The following CSMD1 variants were observed in gnomAD, a reference collection of about 807,000 sequenced individuals.
CSMD1 encodes the protein CUB and Sushi multiple domains 1.
In CSMD1, 213 loss-of-function variants were observed where a neutral mutation model predicts 417.5. The ratio of observed to expected loss-of-function variants is 0.51; its 90% confidence interval spans 0.46 to 0.57. The LOEUF is 0.57. Ranked by LOEUF, CSMD1 falls within the 20% of genes least tolerant of loss-of-function variation. The probability of loss-of-function intolerance (pLI) is 0.00; values close to 1 mark genes in which losing one functional copy is unlikely to be tolerated. For missense variants in CSMD1, 6,923 were observed against 4,529.7 expected (o/e 1.53, Z -15.17); for synonymous variants, 2,862 against 1,736.8 (o/e 1.65, Z -16.11).
intron 25 of CSMD1, among the ~76,000 whole-genome samples, chr8:3,300,470 T>C (rs1412298870): frequency 6.6e-6 from 1 of 152,126 alleles, no homozygotes; most frequent in African/African-American, 2.4e-5. Flanking sequence ...ATAGTTTTTG[T>C]TTTTATAGCA....
intron 4 of CSMD1, among the ~76,000 whole-genome samples, chr8:4,019,995 G>C (rs906761889): frequency 2.0e-5 from 3 of 150,822 alleles, no homozygotes; most frequent in African/African-American, 4.9e-5. Context: ...TTTTCAAACT[G>C]TTTGCCATTC....
In CSMD1 at chr8:4,357,265, A is replaced by C. The variant is rs113362835; in HGVS notation, c.415+62688T>G. The stretch of plus-strand genomic sequence containing the variant: ...AGAATTAGAGGTTCAGGGACTAAAA[A>C]GTAACCTTATAGATCTCATCTGGCC... On this transcript the variant is annotated intron_variant, in intron 3 of 69. Coordinates refer to ENST00000635120, the MANE Select transcript of CSMD1 (RefSeq NM_033225.6). Among the ~76,000 whole-genome samples, 257 of 152,326 alleles carry C rather than the reference A, an allele frequency of 1.7e-3. 1 individual carries two copies. Among genetic ancestry groups the C allele is most frequent in the African/African-American group, 6.0e-3 (248 of 41,576 alleles).
intron 3 of CSMD1, among the ~76,000 whole-genome samples, chr8:4,105,093 G>C (rs117379998): frequency 6.6e-6 from 1 of 152,146 alleles, no homozygotes; most frequent in African/African-American, 2.4e-5. Context: ...CAGCAAGGGA[G>C]GGTTTTAATG....
chr8:3,227,325 C>T (rs375440803), intron 27 of CSMD1, among the ~76,000 whole-genome samples: 469 of 1,264 alleles, frequency 0.37, 3 homozygotes, highest in Middle Eastern at 0.5. Context: ...CACTGGAACA[C>T]GGAAGGAGGT....
chr8:4,742,031 T>C (rs1465116381), intron 1 of CSMD1, among the ~76,000 whole-genome samples: 1 of 90,616 alleles, frequency 1.1e-5, no homozygotes, highest in Non-Finnish European at 2.1e-5. Flanking sequence ...TTTTTTTTTT[T>C]TTTTTTTTTT....
chr8:3,710,392 C>T (rs1002078684), intron 6 of CSMD1, among the ~76,000 whole-genome samples: 7 of 152,178 alleles, frequency 4.6e-5, no homozygotes, highest in African/African-American at 1.7e-4. Context: ...GATGCCAAGA[C>T]TGTGTAAGGC....
intron 37 of CSMD1, among the ~76,000 whole-genome samples, chr8:3,175,292 C>G (rs1188122061): frequency 6.6e-6 from 1 of 152,154 alleles, no homozygotes; most frequent in African/African-American, 2.4e-5. Context: ...TATTTGTTTT[C>G]TTCCAATTAC....
intron 3 of CSMD1, among the ~76,000 whole-genome samples, chr8:4,361,104 G>A (rs758251976): frequency 1.3e-5 from 2 of 152,154 alleles, no homozygotes; most frequent in Non-Finnish European, 2.9e-5. Context: ...TACACACTGT[G>A]TGGATGCTGA....
chr8:4,573,309 G>A (rs1798976010), intron 2 of CSMD1, among the ~76,000 whole-genome samples: 1 of 152,030 alleles, frequency 6.6e-6, no homozygotes, highest in Non-Finnish European at 1.5e-5. Flanking sequence ...TTTTCGCATG[G>A]GCATCCTTTT....
At chr8:4,039,056 C>CAATAA (rs5889010) in intron 3 of CSMD1, among the ~76,000 whole-genome samples, 85,565 of 151,662 alleles carry the variant, frequency 0.56, 25,183 homozygotes, top group East Asian at 0.79. Flanking sequence ...CATGATACTA[C>CAATAA]AATACAATAT....
chr8:4,511,841 G>A (rs937289027), intron 2 of CSMD1, among the ~76,000 whole-genome samples: 2 of 152,254 alleles, frequency 1.3e-5, no homozygotes, highest in East Asian at 3.9e-4. Flanking sequence ...GCTTCACTAG[G>A]TTCTCACAAG....
At chr8:3,906,093 T>C (rs1225151271) in intron 5 of CSMD1, among the ~76,000 whole-genome samples, 1 of 152,168 alleles carries the variant, frequency 6.6e-6, no homozygotes, top group Non-Finnish European at 1.5e-5. Flanking sequence ...TTCCTTCCCA[T>C]GATGCTAACC....
In CSMD1 at chr8:4,619,824, T is replaced by C. The variant is rs559070460; in HGVS notation, c.302+17518A>G. 5.3e-5 allele frequency among the ~76,000 whole-genome samples: 8 copies of C among 152,240 alleles called. No individual in the cohort carries two copies. In the East Asian group the frequency reaches 9.6e-4, roughly 18 times the overall value. ...ATAGCACATATCAGTTGAAATAATA[T>C]GTTTTGTTTGGAATTAAATAATTCC... On this transcript the variant is annotated intron_variant, in intron 2 of 69. Coordinates refer to ENST00000635120, the MANE Select transcript of CSMD1 (RefSeq NM_033225.6).
At chr8:3,232,445 A>G (rs1798896826) in intron 26 of CSMD1, among the ~76,000 whole-genome samples, 1 of 152,144 alleles carries the variant, frequency 6.6e-6, no homozygotes, top group Non-Finnish European at 1.5e-5. Context: ...ATTGCTGTAT[A>G]GTTTTCCATT....
chr8:3,134,105 G>C (rs1585433822), intron 41 of CSMD1, among the ~76,000 whole-genome samples: 1 of 152,138 alleles, frequency 6.6e-6, no homozygotes, highest in African/African-American at 2.4e-5. Context: ...CAGGGAGTTA[G>C]AGGTTGCAGT....
intron 2 of CSMD1, among the ~76,000 whole-genome samples, chr8:4,460,188 T>C (rs969906250): frequency 6.6e-6 from 1 of 152,114 alleles, no homozygotes; most frequent in African/African-American, 2.4e-5. Flanking sequence ...GCAAGAAAAT[T>C]AGAATTTGAG....
intron 3 of CSMD1, among the ~76,000 whole-genome samples, chr8:4,157,594 G>C (rs1330617067): frequency 1.3e-5 from 2 of 152,184 alleles, no homozygotes; most frequent in African/African-American, 4.8e-5. Flanking sequence ...TGCCGGTCAT[G>C]TAACAAATGC....
chr8:3,688,142 A>G (rs775789599), intron 7 of CSMD1, among the ~76,000 whole-genome samples: 12 of 152,242 alleles, frequency 7.9e-5, no homozygotes, highest in Non-Finnish European at 1.6e-4. Context: ...GCAATACCTT[A>G]TATTTAGACA....
At chr8:3,240,573 T>A (rs567714351) in intron 26 of CSMD1, among the ~76,000 whole-genome samples, 6 of 151,940 alleles carry the variant, frequency 3.9e-5, no homozygotes, top group South Asian at 2.1e-4. Flanking sequence ...GGGGGCTGTC[T>A]GTGAAGCTTT....
Sources: gnomAD v4.1 joint callset for allele counts (sites outside exome capture counted in the v4.1 genomes callset) on GRCh38, gnomAD v4.1.1 for gene constraint, MANE v1.5 for transcripts, NCBI Gene and HGNC (gene_info 2026-07-23, HGNC 2026-07-21) for gene names.